The following TOGARAM2 variants were observed in gnomAD, a reference collection of about 807,000 sequenced individuals.
TOGARAM2 encodes the protein TOG array regulator of axonemal microtubules 2, also known as TOG array regulator of axonemal microtubules protein 2.
Under a neutral mutation model 93.3 loss-of-function variants are expected in TOGARAM2, and 85 were observed. The ratio of observed to expected loss-of-function variants is 0.91; its 90% CI spans 0.76 to 1.09. TOGARAM2 has a LOEUF of 1.09. Among genes scored for constraint, TOGARAM2 ranks in the 50% least tolerant of loss-of-function variants. The probability of loss-of-function intolerance (pLI) is 0.00; values close to 1 mark genes in which losing one functional copy is unlikely to be tolerated. For synonymous variants in TOGARAM2, 593 were observed against 552.8 expected, an observed-to-expected ratio of 1.07 and a Z score of -1.02; for missense variants, 1,277 against 1,334.5, an observed-to-expected ratio of 0.96 and a Z score of 0.67.
At chr2:29,002,216 C>T (rs1163309457) in intron 4 of TOGARAM2, among the ~76,000 whole-genome samples, 2 of 152,176 alleles carry the variant, frequency 1.3e-5, no homozygotes, top group South Asian at 2.1e-4. Context: ...GTGCCTTGCT[C>T]GAGGTCACAT....
At chr2:29,002,798 TTCC>T in intron 5 of TOGARAM2, 51 bp downstream of exon 5, 1 of 1,533,430 alleles carries the variant, frequency 6.5e-7, no homozygotes, top group Non-Finnish European at 8.9e-7. Context: ...TTGCCCTCCC[TTCC>T]TCCTGCCTTT....
chr2:29,036,829 G>A (rs1163095195), intron 18 of TOGARAM2, 72 bp downstream of exon 18: 2 of 1,455,930 alleles, frequency 1.4e-6, no homozygotes, highest in African/African-American at 1.4e-5. Flanking sequence ...TCTGCAAGGT[G>A]GATAAGGCCT....
intron 1 of TOGARAM2, among the ~76,000 whole-genome samples, chr2:28,992,514 G>A (rs55638832): frequency 0.38 from 58,178 of 152,042 alleles, 13,621 homozygotes; most frequent in Non-Finnish European, 0.53. Flanking sequence ...TGACCACTGA[G>A]GAGGCTACGG....
chr2:29,036,205 G>A (rs115141648), intron 17 of TOGARAM2, among the ~76,000 whole-genome samples: 271 of 152,228 alleles, frequency 1.8e-3, no homozygotes, highest in African/African-American at 6.1e-3. Context: ...GAACCTCTTG[G>A]AGCCCCAGTT....
chr2:29,022,250 T>A lies in TOGARAM2; in HGVS notation c.1453T>A (p.Phe485Ile), dbSNP rs1199900472. ...DLRACKELRP[F>I]SNPELGLRDA... ...TAGAGCCTGTAAGGAGTTGAGGCCT[T>A]TCTCGAACCCGGAGCTGGGGCTGAG... is the stretch of plus-strand genomic sequence containing the variant. Residue 485 changes from phenylalanine (F) to isoleucine (I), a missense_variant, in exon 11 of 20, where the codon TTC becomes ATC. By Grantham distance (21) the Phe-to-Ile change is conservative (BLOSUM62 0). Coordinates refer to ENST00000379558, the MANE Select transcript of TOGARAM2 (RefSeq NM_199280.4). 6.2e-7 allele frequency: 1 copy of A among 1,613,934 alleles called. No individual in the cohort carries two copies. Among genetic ancestry groups the A allele is most frequent in the African/African-American group, 1.3e-5 (1 of 74,928 alleles).
At position 29,051,988 on chromosome 2, in the gene TOGARAM2, A is replaced by G. The variant is rs368045757; in HGVS notation, c.2955A>G (p.Glu985=). The G allele has an allele frequency of 1.2e-6, 2 of 1,613,210 alleles. No individual in the cohort carries two copies. The highest frequency in any genetic ancestry group is 1.3e-5 in the African/African-American group (1 of 75,004). Residue 985 remains glutamate, a synonymous_variant, in exon 20 of 20, where the codon GAA becomes GAG. Coordinates refer to ENST00000379558, the MANE Select transcript of TOGARAM2 (RefSeq NM_199280.4). Reference sequence around the variant, plus strand: ...AGCACGTCCTCAAGACGCTCCAGGAACTCTTAGACTCAGAGTCCTTGGGAG... The same window carrying G: ...AGCACGTCCTCAAGACGCTCCAGGAGCTCTTAGACTCAGAGTCCTTGGGAG... ...QPKHVLKTLQ[E]LLDSESLGGS...
chr2:29,051,512 A>G (rs1366371467), intron 19 of TOGARAM2: 3 of 365,012 alleles, frequency 8.2e-6, no homozygotes, highest in Non-Finnish European at 1.5e-5. Context: ...ATATTTAAAA[A>G]TTATAGTTTC....
chr2:28,976,730 CT>C (rs1361774206), upstream of TOGARAM2, among the ~76,000 whole-genome samples: 2 of 152,242 alleles, frequency 1.3e-5, no homozygotes, highest in African/African-American at 4.8e-5. Flanking sequence ...GCCTAGTCCT[CT>C]CTCTGATCCT....
At chr2:29,040,899 C>G (rs1268096993) in intron 18 of TOGARAM2, among the ~76,000 whole-genome samples, 2 of 152,020 alleles carry the variant, frequency 1.3e-5, no homozygotes, top group Non-Finnish European at 1.5e-5. Flanking sequence ...AACCAGATAC[C>G]CTTCCTATTA....
chr2:29,032,818 A>G, intron 14 of TOGARAM2, 116 bp from the exon 15 acceptor site: 1 of 796,114 alleles, frequency 1.3e-6, no homozygotes, highest in Admixed American at 2.9e-5. Context: ...TTGCTTTTGT[A>G]ATTAGAAAAA....
At chr2:29,029,339 T>C (rs1488309024) in intron 14 of TOGARAM2, among the ~76,000 whole-genome samples, 1 of 151,936 alleles carries the variant, frequency 6.6e-6, no homozygotes. Context: ...TAATGGCATT[T>C]GCAGTGACCT....
In TOGARAM2 at chr2:29,051,764, G is replaced by T. The variant is rs1309588937; in HGVS notation, c.2731G>T (p.Ala911Ser). 1 of 1,506,854 alleles carries T rather than the reference G, an allele frequency of 6.6e-7. No homozygotes were observed. Among genetic ancestry groups the T allele is most frequent in the South Asian group, 1.3e-5 (1 of 77,098 alleles). The allele number at this position is 1,506,854 out of a possible 1,614,324, so 93.3% of individuals were successfully genotyped here. A position where few individuals can be genotyped will look rare whatever the true frequency, so the allele number is the denominator to read the frequency against. Residue 911 changes from alanine to serine, a missense_variant, in exon 20 of 20, where the codon GCC becomes TCC. Physicochemically the swap from Ala to Ser is moderately conservative, Grantham distance 99 (BLOSUM62 1). Transcript: ENST00000379558. ...CCTTTTCTGCCTGACAGTGCTGGTGGCCTCAGTTTACCCCCGGAAGCCTCA... is the reference window on the plus strand; with the variant it reads ...CCTTTTCTGCCTGACAGTGCTGGTGTCCTCAGTTTACCCCCGGAAGCCTCA... ...DVTDRLAVLV[A>S]SVYPRKPQAV...
At chr2:28,989,006 C>T (rs1672590525) in intron 1 of TOGARAM2, among the ~76,000 whole-genome samples, 1 of 152,194 alleles carries the variant, frequency 6.6e-6, no homozygotes, top group African/African-American at 2.4e-5. Flanking sequence ...GCTGCTGCTC[C>T]CTGGGATGTT....
intron 8 of TOGARAM2, 56 bp downstream of exon 8, chr2:29,014,617 G>A: frequency 6.5e-7 from 1 of 1,535,234 alleles, no homozygotes; most frequent in Admixed American, 2.0e-5. Flanking sequence ...GCAGGCTGCA[G>A]GAAGGCAAGC....
At chr2:29,028,211 G>A (rs1665530533) in intron 14 of TOGARAM2, among the ~76,000 whole-genome samples, 1 of 152,164 alleles carries the variant, frequency 6.6e-6, no homozygotes, top group Non-Finnish European at 1.5e-5. Context: ...TGGAGACCAT[G>A]TGGCACCTGT....
intron 8 of TOGARAM2, among the ~76,000 whole-genome samples, chr2:29,016,666 C>T (rs1050759739): frequency 3.3e-5 from 5 of 152,278 alleles, no homozygotes; most frequent in South Asian, 2.1e-4. Flanking sequence ...TTCCTTGGCC[C>T]GGGTGATGTG....
At chr2:29,015,318 C>T (rs1664497472) in intron 8 of TOGARAM2, among the ~76,000 whole-genome samples, 1 of 152,162 alleles carries the variant, frequency 6.6e-6, no homozygotes, top group African/African-American at 2.4e-5. Context: ...CTCCTGTGGC[C>T]ACATCGTAGG....
At chr2:29,008,809 CA>C (rs1478299358) in intron 6 of TOGARAM2, among the ~76,000 whole-genome samples, 1 of 152,218 alleles carries the variant, frequency 6.6e-6, no homozygotes, top group Non-Finnish European at 1.5e-5. Context: ...CACCACAGGG[CA>C]GGGGCCATAT....
chr2:28,975,434 C>T (rs568903618), intron 1 of TOGARAM2, among the ~76,000 whole-genome samples: 13 of 152,072 alleles, frequency 8.5e-5, no homozygotes, highest in South Asian at 4.2e-4. Context: ...GTGATCTGCC[C>T]GCCTCGGCCT....
Sources: gnomAD v4.1 joint callset for allele counts (sites outside exome capture counted in the v4.1 genomes callset) on GRCh38, gnomAD v4.1.1 for gene constraint, MANE v1.5 for transcripts, NCBI Gene and HGNC (gene_info 2026-07-23, HGNC 2026-07-21) for gene names.